LRRC37A2: variants seen among roughly 807,000 people sequenced by gnomAD.
LRRC37A2 encodes leucine-rich repeat-containing protein 37A2.
In LRRC37A2, 9 loss-of-function variants were observed where a neutral mutation model predicts 68.8. That is an observed-to-expected ratio of 0.13 (90% CI 0.08 to 0.23). The LOEUF is 0.23. Among genes scored for constraint, LRRC37A2 ranks in the 10% least tolerant of loss-of-function variants. The pLI is 1.00. For synonymous variants in LRRC37A2, 63 were observed against 367.6 expected (o/e 0.17, Z 9.48); for missense variants, 168 against 950.4 (o/e 0.18, Z 10.82).
the LRRC37A2 span, chr17:46,874,959 A>T: frequency 3.0e-6 from 4 of 1,336,218 alleles, 1 homozygote; most frequent in South Asian, 4.7e-5. Context: ...CTGTGTCCTC[A>T]AGCCACATTC....
the LRRC37A2 span, among the ~76,000 whole-genome samples, chr17:46,489,852 C>T: frequency 9.3e-5 from 14 of 151,040 alleles, no homozygotes; most frequent in East Asian, 2.7e-3. Context: ...AGCAGTTGTT[C>T]TTGGATACTG....
the LRRC37A2 span, among the ~76,000 whole-genome samples, chr17:46,687,453 A>G: frequency 1.1e-4 from 16 of 150,180 alleles, no homozygotes; most frequent in African/African-American, 3.7e-4. Context: ...TCCTTATCAT[A>G]CTACAGGGTA....
chr17:46,851,638 C>CA, the LRRC37A2 span: 1 of 1,275,112 alleles, frequency 7.8e-7, no homozygotes, highest in Non-Finnish European at 9.9e-7. This position sits in a 1 kb window ranked among gnomAD's most constrained non-coding sequence, Gnocchi z 4.3. Context: ...CCGCCAGCAC[C>CA]ATGCGCCCCC....
the LRRC37A2 span, chr17:47,018,924 G>A: frequency 6.6e-7 from 1 of 1,519,746 alleles, no homozygotes; most frequent in Non-Finnish European, 9.1e-7. Context: ...TCCTAAGAAA[G>A]TTGTACCCCA....
chr17:46,912,022 C>T, the LRRC37A2 span, among the ~76,000 whole-genome samples: 1 of 152,164 alleles, frequency 6.6e-6, no homozygotes, highest in East Asian at 1.9e-4. Flanking sequence ...AGGCCAACCC[C>T]CATCGCTTGA....
At chr17:46,905,814 GCGTT>G in the LRRC37A2 span, among the ~76,000 whole-genome samples, 16 of 34,486 alleles carry the variant, frequency 4.6e-4, no homozygotes, top group East Asian at 4.3e-3. Context: ...GTGTGTGTGT[GCGTT>G]TGTTGGGGGA....
the LRRC37A2 span, among the ~76,000 whole-genome samples, chr17:46,758,492 TTTC>T: frequency 6.6e-6 from 1 of 152,216 alleles, no homozygotes; most frequent in Non-Finnish European, 1.5e-5. Flanking sequence ...CTGCCTTAGG[TTTC>T]TTCATCTATA....
chr17:46,891,761 C>T, the LRRC37A2 span, among the ~76,000 whole-genome samples: 23 of 152,298 alleles, frequency 1.5e-4, no homozygotes, highest in South Asian at 4.1e-3. Context: ...TCTTTATCCC[C>T]TGACCAGAGG....
chr17:46,993,941 T>G, the LRRC37A2 span, among the ~76,000 whole-genome samples: 50 of 146,774 alleles, frequency 3.4e-4, no homozygotes, highest in East Asian at 5.2e-3. Context: ...CCACACTGCC[T>G]TCTTAGCTAT....
the LRRC37A2 span, among the ~76,000 whole-genome samples, chr17:46,824,272 G>T: frequency 2.0e-5 from 3 of 152,008 alleles, no homozygotes; most frequent in African/African-American, 7.2e-5. Flanking sequence ...TTTTTGAGAC[G>T]GTGTCTTGCT....
At chr17:46,851,621 C>G in the LRRC37A2 span, 1 of 1,249,500 alleles carries the variant, frequency 8.0e-7, no homozygotes, top group Non-Finnish European at 1.0e-6. This position sits in a 1 kb window ranked among gnomAD's most constrained non-coding sequence, Gnocchi z 4.3. Flanking sequence ...TGCTAGAGGG[C>G]GCAGCGCCGC....
the LRRC37A2 span, among the ~76,000 whole-genome samples, chr17:46,988,694 G>A: frequency 6.6e-6 from 1 of 152,172 alleles, no homozygotes; most frequent in Non-Finnish European, 1.5e-5. Flanking sequence ...TGAGGTGACC[G>A]TGGGATGTGC....
chr17:46,722,313 C>T, the LRRC37A2 span: 7 of 720,966 alleles, frequency 9.7e-6, no homozygotes. Flanking sequence ...CAGCCTCAGT[C>T]CTCCTGGCAT....
the LRRC37A2 span, among the ~76,000 whole-genome samples, chr17:46,786,565 C>G: frequency 6.6e-6 from 1 of 152,242 alleles, no homozygotes; most frequent in Non-Finnish European, 1.5e-5. Context: ...GAGCAGCTCC[C>G]AAGGACACAT....
chr17:46,767,977 C>G, the LRRC37A2 span, among the ~76,000 whole-genome samples: 2 of 152,066 alleles, frequency 1.3e-5, no homozygotes, highest in South Asian at 4.1e-4. Context: ...TTAGTAGAGA[C>G]GGGTTTCACC....
At chr17:46,720,217 G>A in the LRRC37A2 span, among the ~76,000 whole-genome samples, 3 of 152,212 alleles carry the variant, frequency 2.0e-5, no homozygotes, top group African/African-American at 7.2e-5. Flanking sequence ...TATATTAGCT[G>A]AGAGAAGTGG....
chr17:46,558,094 T>A (rs546806370), downstream of LRRC37A2, among the ~76,000 whole-genome samples: 1 of 134,870 alleles, frequency 7.4e-6, no homozygotes, highest in East Asian at 2.4e-4. Flanking sequence ...AGTTTTGCTC[T>A]TGTTGCTCAG....
At chr17:47,018,328 A>T in the LRRC37A2 span, 1 of 1,611,652 alleles carries the variant, frequency 6.2e-7, no homozygotes, top group Admixed American at 1.7e-5. Flanking sequence ...TCTCTGACCC[A>T]GCAGGAGACC....
At chr17:46,979,741 A>G in the LRRC37A2 span, among the ~76,000 whole-genome samples, 6 of 151,032 alleles carry the variant, frequency 4.0e-5, no homozygotes, top group Non-Finnish European at 7.4e-5. Context: ...CCCTCCTCTC[A>G]ACTTGGTCCC....
Sources: gnomAD v4.1 joint callset for allele counts (sites outside exome capture counted in the v4.1 genomes callset) on GRCh38, gnomAD v4.1.1 for gene constraint, Gnocchi (gnomAD v3.1) non-coding constraint, MANE v1.5 for transcripts, NCBI Gene and HGNC (gene_info 2026-07-23, HGNC 2026-07-21) for gene names.